The following FBXO16 variants were observed in gnomAD, a reference collection of about 807,000 sequenced individuals.
The protein encoded by FBXO16 is F-box only protein 16.
In FBXO16, 31 loss-of-function variants were observed where a neutral mutation model predicts 41.0. That is an observed-to-expected ratio of 0.76 (90% CI 0.57 to 1.02). The LOEUF (loss-of-function observed/expected upper bound fraction) is 1.02. FBXO16 is among the 50% of genes least tolerant of loss of function. FBXO16 has a pLI of 0.00. For missense variants in FBXO16, 361 were observed against 346.2 expected (o/e 1.04, Z -0.34); for synonymous variants, 133 against 117.8 (o/e 1.13, Z -0.84).
At chr8:28,453,468 TG>T (rs1323614969) in intron 5 of FBXO16, among the ~76,000 whole-genome samples, 10 of 151,958 alleles carry the variant, frequency 6.6e-5, no homozygotes, top group Non-Finnish European at 1.5e-5. Context: ...AAGAATACTT[TG>T]CTTTAATCTC....
At chr8:28,489,776 C>T (rs1803661858) in intron 1 of FBXO16, among the ~76,000 whole-genome samples, 2 of 151,556 alleles carry the variant, frequency 1.3e-5, no homozygotes, top group African/African-American at 4.8e-5. Context: ...TAACATGATA[C>T]TGGGCTCTGG....
chr8:28,488,501 G>C (rs566238565), intron 1 of FBXO16, among the ~76,000 whole-genome samples: 1 of 149,292 alleles, frequency 6.7e-6, no homozygotes, highest in African/African-American at 2.5e-5. Flanking sequence ...ATAAGGTCTT[G>C]CTTTGTTGCC....
At chr8:28,452,932 G>GAAT (rs148101794) in intron 5 of FBXO16, among the ~76,000 whole-genome samples, 65,419 of 151,124 alleles carry the variant, frequency 0.43, 14,983 homozygotes, top group African/African-American at 0.58. Context: ...AGAAAAAAAG[G>GAAT]AATATCATCA....
intron 3 of FBXO16, among the ~76,000 whole-genome samples, chr8:28,466,668 G>A (rs564879610): frequency 3.9e-5 from 6 of 151,934 alleles, no homozygotes; most frequent in Admixed American, 1.3e-4. Context: ...GGTGGCAGGC[G>A]CCTGTAGTCC....
chr8:28,429,010 G>A (rs1802568521), intron 8 of FBXO16, among the ~76,000 whole-genome samples: 1 of 152,030 alleles, frequency 6.6e-6, no homozygotes, highest in African/African-American at 2.4e-5. Flanking sequence ...GTATTAATAA[G>A]TTTCATTTTG....
At chr8:28,433,452 T>C (rs1802640781) in intron 7 of FBXO16, among the ~76,000 whole-genome samples, 1 of 152,196 alleles carries the variant, frequency 6.6e-6, no homozygotes, top group Admixed American at 6.5e-5. Flanking sequence ...CGTATACTTG[T>C]GGTCCCATAG....
In FBXO16 at chr8:28,452,400, G is replaced by A. The variant is rs369379563; in HGVS notation, c.584C>T (p.Pro195Leu). The A allele has an allele frequency of 6.2e-7, 1 of 1,614,218 alleles. No homozygotes were observed. Among genetic ancestry groups the A allele is most frequent in the Non-Finnish European group, 8.5e-7 (1 of 1,180,036 alleles). Residue 195 changes from proline to leucine, a missense_variant, in exon 6 of 9, where the codon CCT becomes CTT. Pro to Leu is a moderately conservative substitution (Grantham distance 98, BLOSUM62 -3). Transcript: ENST00000380254. ...GGAAGAGGACCGAAAAGCTGATAAA[G>A]GGGACTGTTTTTCCTCTGGAGAATT... ...TSNSPEEKQS[P>L]LSAFRSSSSL...
intron 5 of FBXO16, chr8:28,455,714 G>C (rs931276108): frequency 6.6e-6 from 1 of 152,188 alleles, no homozygotes; most frequent in African/African-American, 2.4e-5. Flanking sequence ...ATTTTCAAGA[G>C]AACTTTAAAA....
intron 7 of FBXO16, among the ~76,000 whole-genome samples, chr8:28,431,731 T>C (rs1446175571): frequency 1.3e-5 from 2 of 152,196 alleles, no homozygotes; most frequent in Admixed American, 1.3e-4. Flanking sequence ...ACCTCTATTC[T>C]CTGTGAGAAT....
At chr8:28,452,594 A>G in intron 5 of FBXO16, 118 bp from the exon 6 acceptor site, 4 of 859,050 alleles carry the variant, frequency 4.7e-6, no homozygotes, top group Non-Finnish European at 7.2e-6. Flanking sequence ...TGAGGTCAGA[A>G]GTTCGAGACC....
rs150932929 is a variant in FBXO16 at position 28,473,942 on chromosome 8, C to A, written c.100-135G>T. On this transcript the variant is annotated intron_variant, in intron 2 of 8. Coordinates refer to ENST00000380254, the MANE Select transcript of FBXO16 (RefSeq NM_172366.4). ...TGAATATTAAAAGGCAGATTTTACTCCTGAGGTTATATATTTTTACCCTGG... is the reference window on the plus strand; with the variant it reads ...TGAATATTAAAAGGCAGATTTTACTACTGAGGTTATATATTTTTACCCTGG... 141 of 664,550 alleles carry A rather than the reference C, an allele frequency of 2.1e-4. No homozygotes were observed. The East Asian group carries it at 3.9e-3, about 19-fold the overall frequency. The allele number at this position is 664,550 out of a possible 1,614,324, so 41.2% of individuals were successfully genotyped here.
rs202120271 is a variant in FBXO16 at position 28,428,734 on chromosome 8, C to A, written c.872G>T (p.Cys291Phe). ...TTAGGGGAGAGCTGGCACTTAGGGA[C>A]ATCTAGAAAGGAAAAAGGAATCATG... ...MMSRRNPFPL[C>F]P Residue 291 changes from cysteine to phenylalanine, a missense_variant and splice_region_variant, in exon 9 of 9, where the codon TGT (cysteine) becomes TTT (phenylalanine). Coordinates refer to ENST00000380254, the MANE Select transcript of FBXO16 (RefSeq NM_172366.4). 1 of 1,531,654 alleles carries A rather than the reference C, an allele frequency of 6.5e-7. No individual in the cohort carries two copies. The highest frequency in any genetic ancestry group is 2.2e-5 in the Admixed American group (1 of 44,464). 94.9% of individuals were successfully genotyped at this position (1,531,654 alleles called of 1,614,324 possible).
At chr8:28,450,041 G>A (rs1479348698) in intron 6 of FBXO16, among the ~76,000 whole-genome samples, 1 of 151,692 alleles carries the variant, frequency 6.6e-6, no homozygotes, top group Admixed American at 6.6e-5. Flanking sequence ...CAAAATTGGG[G>A]GACTCCCACT....
At chr8:28,474,302 G>T in intron 2 of FBXO16, among the ~76,000 whole-genome samples, 1 of 76,180 alleles carries the variant, frequency 1.3e-5, no homozygotes, top group African/African-American at 4.5e-5. Flanking sequence ...CTGGGTAACA[G>T]AGCCAGACCC....
intron 6 of FBXO16, chr8:28,447,679 T>A (rs1283000865): frequency 1.3e-5 from 2 of 159,692 alleles, no homozygotes; most frequent in African/African-American, 4.8e-5. Context: ...TATGGCCAGA[T>A]GGGGTGGCTC....
intron 4 of FBXO16, among the ~76,000 whole-genome samples, chr8:28,459,279 T>C (rs1390532794): frequency 3.9e-5 from 6 of 152,316 alleles, no homozygotes; most frequent in Non-Finnish European, 2.9e-5. Context: ...TTAAATATTA[T>C]AGTATCTCTG....
chr8:28,450,493 T>C (rs915610221), intron 6 of FBXO16, among the ~76,000 whole-genome samples: 1 of 152,232 alleles, frequency 6.6e-6, no homozygotes, highest in Non-Finnish European at 1.5e-5. Flanking sequence ...TAAAAGATGC[T>C]ATCAAGAGAG....
chr8:28,449,246 A>G (rs1237791466), intron 6 of FBXO16: 1 of 152,060 alleles, frequency 6.6e-6, no homozygotes, highest in Admixed American at 6.6e-5. Context: ...CAGAGGGGAA[A>G]TCTATGGACA....
intron 2 of FBXO16, among the ~76,000 whole-genome samples, chr8:28,474,316 C>CAAAAAAAAAAAAAAAAAAAAAAAAAAA: frequency 2.5e-4 from 14 of 56,656 alleles, no homozygotes; most frequent in Non-Finnish European, 4.0e-4. Context: ...CAGACCCTGT[C>CAAAAAAAAAAAAAAAAAAAAAAAAAAA]AAAAAAAAAA....
Sources: gnomAD v4.1 joint callset for allele counts (sites outside exome capture counted in the v4.1 genomes callset) on GRCh38, gnomAD v4.1.1 for gene constraint, MANE v1.5 for transcripts, NCBI Gene and HGNC (gene_info 2026-07-23, HGNC 2026-07-21) for gene names.